The following WWOX variants were observed in gnomAD, a reference collection of about 807,000 sequenced individuals.
The protein encoded by WWOX is WW domain containing oxidoreductase, also known as WW domain-containing oxidoreductase.
A neutral mutation model predicts 46.2 loss-of-function variants in WWOX; 69 were observed. The observed-to-expected ratio is 1.49, with a 90% CI of 1.23 to 1.82. The LOEUF is 1.82. WWOX is among the 40% of genes most tolerant of loss of function. WWOX has a pLI of 0.00. For synonymous variants in WWOX, 359 were observed against 202.6 expected, an observed-to-expected ratio of 1.77 and a Z score of -6.56; for missense variants, 919 against 542.6, an observed-to-expected ratio of 1.69 and a Z score of -6.89.
rs1567563442 is a variant in WWOX, at chr16:78,422,746, TACAC to T, written c.606-2122_606-2119del. Among the ~76,000 whole-genome samples the T allele has an allele frequency of 4.6e-3, 474 of 103,544 alleles. 24 individuals carry two copies. The highest frequency in any genetic ancestry group is 0.033 in the East Asian group (121 of 3,718). 67.9% of individuals were successfully genotyped at this position (103,544 alleles called of 152,430 possible). A position where few individuals can be genotyped will look rare whatever the true frequency, so the allele number is the denominator to read the frequency against. ...ATATATATATACACACACATATATA[TACAC>T]ATATATACACATATATATACACACA... On this transcript the variant is annotated intron_variant, in intron 6 of 8. Transcript: ENST00000566780.
At chr16:78,353,519 T>A (rs1335622109) in intron 5 of WWOX, among the ~76,000 whole-genome samples, 1 of 152,204 alleles carries the variant, frequency 6.6e-6, no homozygotes, top group Non-Finnish European at 1.5e-5. Context: ...CTCTAGCCAG[T>A]TGGGACAGGA....
At chr16:78,141,323 A>T (rs1175820756) in intron 4 of WWOX, among the ~76,000 whole-genome samples, 1 of 152,140 alleles carries the variant, frequency 6.6e-6, no homozygotes, top group African/African-American at 2.4e-5. Flanking sequence ...TTTGTCAAGT[A>T]TACAACACTT....
chr16:78,230,608 T>A (rs973017351), intron 5 of WWOX, among the ~76,000 whole-genome samples: 1 of 152,252 alleles, frequency 6.6e-6, no homozygotes, highest in African/African-American at 2.4e-5. Context: ...TATCAACTGC[T>A]GAGCACCTGT....
At chr16:79,179,982 T>C (rs1235765833) in intron 8 of WWOX, among the ~76,000 whole-genome samples, 1 of 152,196 alleles carries the variant, frequency 6.6e-6, no homozygotes, top group African/African-American at 2.4e-5. Context: ...TGTTACTGGA[T>C]TCCTAGACCA....
chr16:78,337,592 A>G (rs1233176592), intron 5 of WWOX, among the ~76,000 whole-genome samples: 1 of 152,128 alleles, frequency 6.6e-6, no homozygotes, highest in African/African-American at 2.4e-5. Flanking sequence ...ATGGAGTGAA[A>G]CCATTCCAAT....
intron 8 of WWOX, among the ~76,000 whole-genome samples, chr16:78,544,584 G>T (rs781351767): frequency 1.3e-5 from 2 of 152,186 alleles, no homozygotes; most frequent in Non-Finnish European, 2.9e-5. Context: ...GTTAAAATGA[G>T]ATGATTGAAA....
intron 6 of WWOX, among the ~76,000 whole-genome samples, chr16:78,415,021 C>T (rs1161417070): frequency 6.6e-6 from 1 of 150,808 alleles, no homozygotes; most frequent in Non-Finnish European, 1.5e-5. Context: ...GCAACTTTGG[C>T]TGTTGGACTA....
At chr16:79,035,991 G>A (rs2047858688) in intron 8 of WWOX, among the ~76,000 whole-genome samples, 1 of 152,148 alleles carries the variant, frequency 6.6e-6, no homozygotes, top group Admixed American at 6.5e-5. Context: ...TTTTTGCTTG[G>A]CTTAAGAATC....
At chr16:78,309,869 T>G (rs2080207207) in intron 5 of WWOX, among the ~76,000 whole-genome samples, 1 of 152,102 alleles carries the variant, frequency 6.6e-6, no homozygotes, top group Admixed American at 6.5e-5. Context: ...GTTTAATTGT[T>G]CTAGTTAGAG....
At chr16:78,637,693 C>T (rs533667806) in intron 8 of WWOX, among the ~76,000 whole-genome samples, 3 of 152,272 alleles carry the variant, frequency 2.0e-5, no homozygotes, top group Middle Eastern at 3.4e-3. Context: ...CAGAGCTAAG[C>T]GCGGAGTAGG....
Position 78,424,672 on chromosome 16 carries a change from C to CTTGTGACATTCTAGGGTATCCTA in WWOX, c.606-195_606-173dup, listed in dbSNP as rs1213156953. On this transcript the variant is annotated intron_variant, in intron 6 of 8. Coordinates refer to ENST00000566780, the MANE Select transcript of WWOX (RefSeq NM_016373.4). ...CGGAGGACAGTTGCCCACTCAAAGC[C>CTTGTGACATTCTAGGGTATCCTA]TTGTGACATTCTAGGGTATCCTATT... Among the ~76,000 whole-genome samples, 3 of 152,156 alleles carry CTTGTGACATTCTAGGGTATCCTA rather than the reference C, an allele frequency of 2.0e-5. No individual in the cohort carries two copies. The East Asian group carries it at 5.8e-4, about 29-fold the overall frequency.
chr16:79,076,495 G>C (rs1047338392), intron 8 of WWOX, among the ~76,000 whole-genome samples: 8 of 152,162 alleles, frequency 5.3e-5, no homozygotes, highest in Non-Finnish European at 1.0e-4. Flanking sequence ...TCCTTGGCTT[G>C]TCCGGTGCAT....
At chr16:78,487,448 T>TAAC (rs1487555363) in intron 8 of WWOX, among the ~76,000 whole-genome samples, 19 of 152,294 alleles carry the variant, frequency 1.2e-4, no homozygotes, top group African/African-American at 4.6e-4. Flanking sequence ...CTTACTAATG[T>TAAC]TCCGTCTTTG....
At chr16:78,262,627 C>G (rs1461813508) in intron 5 of WWOX, among the ~76,000 whole-genome samples, 1 of 152,086 alleles carries the variant, frequency 6.6e-6, no homozygotes, top group Non-Finnish European at 1.5e-5. Context: ...GAAGTATAAT[C>G]TAATGAGAAC....
At chr16:79,123,469 C>T (rs191184627) in intron 8 of WWOX, among the ~76,000 whole-genome samples, 1 of 152,222 alleles carries the variant, frequency 6.6e-6, no homozygotes. Context: ...TCCTGCTTGC[C>T]AGACACTGAT....
chr16:78,497,226 A>C (rs2084938994), intron 8 of WWOX, among the ~76,000 whole-genome samples: 1 of 64,684 alleles, frequency 1.5e-5, no homozygotes, highest in African/African-American at 3.1e-5. Flanking sequence ...TCCACAGCAC[A>C]TACTCATTTT....
chr16:79,143,223 C>T (rs1201615896), intron 8 of WWOX, among the ~76,000 whole-genome samples: 3 of 152,168 alleles, frequency 2.0e-5, no homozygotes, highest in Non-Finnish European at 2.9e-5. Context: ...TTGTCTTTCC[C>T]TGCTTCCCCC....
Position 78,220,869 on chromosome 16 carries a change from G to A in WWOX, c.516+56580G>A, listed in dbSNP as rs1473211519. On this transcript the variant is annotated intron_variant, in intron 5 of 8. Coordinates refer to ENST00000566780, the MANE Select transcript of WWOX (RefSeq NM_016373.4). ...CTTCTGTTACCTGGTATTCACTCTG[G>A]CAATTTCTTTTTGGACTCATTCTAA... Among the ~76,000 whole-genome samples, 4 of 152,110 alleles carry A rather than the reference G, an allele frequency of 2.6e-5. No individual in the cohort carries two copies. In the South Asian group the frequency reaches 6.2e-4, roughly 24 times the overall value.
At chr16:78,911,887 C>G (rs2045121495) in intron 8 of WWOX, among the ~76,000 whole-genome samples, 1 of 151,960 alleles carries the variant, frequency 6.6e-6, no homozygotes, top group Non-Finnish European at 1.5e-5. Flanking sequence ...CTCAACGAAA[C>G]ACCCCAGCTT....
Sources: allele counts gnomAD v4.1 joint callset (sites outside exome capture counted in the v4.1 genomes callset), GRCh38; gene constraint gnomAD v4.1.1; transcripts MANE v1.5; gene names NCBI Gene and HGNC (gene_info 2026-07-23, HGNC 2026-07-21).